Variants in AQP7 observed in about 807,000 individuals in gnomAD.
AQP7 encodes aquaporin 7.
A neutral mutation model predicts 26.1 loss-of-function variants in AQP7; 22 were observed. The observed-to-expected ratio is 0.84, with a 90% CI of 0.60 to 1.20. The LOEUF is 1.20. Among genes scored for constraint, AQP7 ranks in the 50% most tolerant of loss-of-function variants. The probability of loss-of-function intolerance (pLI) is 0.00; values close to 1 mark genes in which losing one functional copy is unlikely to be tolerated. For synonymous variants in AQP7, 167 were observed against 181.7 expected (o/e 0.92, Z 0.65); for missense variants, 412 against 457.5 (o/e 0.90, Z 0.91).
chr9:33,386,220 G>A (rs190955152), intron 5 of AQP7, 25 bp from the exon 6 acceptor site: 27 of 1,613,720 alleles, frequency 1.7e-5, no homozygotes, highest in East Asian at 4.5e-5. Context: ...ACTGTCATGC[G>A]AACCTGCTCC....
intron 7 of AQP7, 65 bp downstream of exon 7, chr9:33,385,584 C>T (rs779614450): frequency 2.5e-6 from 4 of 1,572,840 alleles, no homozygotes; most frequent in Non-Finnish European, 3.5e-6. Context: ...CATCACCCCC[C>T]ACCCCTCAAC....
intron 4 of AQP7, 43 bp downstream of exon 4, chr9:33,386,926 A>G (rs774836483): frequency 1.5e-5 from 24 of 1,608,398 alleles, no homozygotes; most frequent in Non-Finnish European, 1.9e-5. Context: ...CCTGTTGGGG[A>G]CACCTGGTCT....
chr9:33,385,356 G>T lies in AQP7; in HGVS notation c.744-66C>A, dbSNP rs1259193147. 5.2e-6 allele frequency: 8 copies of T among 1,534,178 alleles called. No homozygotes were observed. In the South Asian group the frequency reaches 1.0e-4, roughly 19 times the overall value. On this transcript the variant is annotated intron_variant, in intron 7 of 7. Coordinates refer to ENST00000297988, the MANE Select transcript of AQP7 (RefSeq NM_001170.3). ...CCAGGACAGCACCCTCATCCACCTC[G>T]GGCCAAGACAGGTTGAGCAGAGGAG... is the stretch of plus-strand genomic sequence containing the variant.
chr9:33,401,505 C>G (rs1826280232), intron 1 of AQP7: 1 of 563,886 alleles, frequency 1.8e-6, no homozygotes, highest in African/African-American at 1.9e-5. Flanking sequence ...GACCCCAGCC[C>G]CAGGCCAGAC....
In AQP7 at chr9:33,384,073, T is replaced by G. The variant is rs907725937; in HGVS notation, c.*932A>C. On this transcript the variant is annotated 3_prime_UTR_variant, in exon 8 of 8. Transcript: ENST00000297988. ...AATGCATGAGCAAGGACAGGAACCA[T>G]GGGTGATGCTGCCTTCTGAGCCCCA... 1 of 152,222 alleles carries G rather than the reference T, an allele frequency of 6.6e-6. No homozygotes were observed. Among genetic ancestry groups the G allele is most frequent in the African/African-American group, 2.4e-5 (1 of 41,432 alleles). The allele number at this position is 152,222 out of a possible 1,614,324, so 9.4% of individuals were successfully genotyped here. A position where few individuals can be genotyped will look rare whatever the true frequency, so the allele number is the denominator to read the frequency against.
In AQP7 at chr9:33,383,745, A is replaced by G. The variant is rs1354961131; in HGVS notation, c.*1260T>C. ...GAACGAAGCCCAGCCTCCTCTGCCCATCCCCTCAAACTGTAAAGTGCAGCT... is the reference window on the plus strand; with the variant it reads ...GAACGAAGCCCAGCCTCCTCTGCCCGTCCCCTCAAACTGTAAAGTGCAGCT... On this transcript the variant is annotated 3_prime_UTR_variant, in exon 8 of 8. Coordinates refer to ENST00000297988, the MANE Select transcript of AQP7 (RefSeq NM_001170.3). 6.6e-6 allele frequency: 1 copy of G among 151,556 alleles called. No individual in the cohort carries two copies. Among genetic ancestry groups the G allele is most frequent in the Admixed American group, 6.6e-5 (1 of 15,160 alleles). The allele number at this position is 151,556 out of a possible 1,614,324, so 9.4% of individuals were successfully genotyped here.
rs76908057 is a variant in AQP7 at position 33,385,788 on chromosome 9, C to G, written c.604G>C (p.Glu202Gln). ...QENNPALPGT[E>Q]ALVIGILVVI... ...ACGAGGATGCCTATCACCAGCGCCT[C>G]TGTTCCTGGCAGTGCTGGGTTGTTC... Residue 202 changes from glutamate to glutamine, a missense_variant, in exon 7 of 8, where the codon GAG (glutamate) becomes CAG (glutamine). Physicochemically the swap from Glu to Gln is conservative, Grantham distance 29. Coordinates refer to ENST00000297988, the MANE Select transcript of AQP7 (RefSeq NM_001170.3). 1.2e-6 allele frequency: 2 copies of G among 1,613,356 alleles called. No individual in the cohort carries two copies. Among genetic ancestry groups the G allele is most frequent in the African/African-American group, 1.3e-5 (1 of 75,040 alleles).
intron 5 of AQP7, 22 bp from the exon 6 acceptor site, chr9:33,386,217 T>A: frequency 1.2e-6 from 2 of 1,613,840 alleles, no homozygotes; most frequent in Non-Finnish European, 1.7e-6. Context: ...CAGACTGTCA[T>A]GCGAACCTGC....
chr9:33,386,206 A>T lies in AQP7; in HGVS notation c.407-11T>A. The T allele has an allele frequency of 3.1e-6, 5 of 1,613,970 alleles. No homozygotes were observed. Among genetic ancestry groups the T allele is most frequent in the Non-Finnish European group, 4.2e-6 (5 of 1,179,834 alleles). ...AGTGGAGAATGGCCGCTGCGGAGACACAGACTGTCATGCGAACCTGCTCCC... is the reference window on the plus strand; with the variant it reads ...AGTGGAGAATGGCCGCTGCGGAGACTCAGACTGTCATGCGAACCTGCTCCC... On this transcript the variant is annotated splice_polypyrimidine_tract_variant and intron_variant, in intron 5 of 7. Transcript: ENST00000297988.
In AQP7 at chr9:33,384,862, C is replaced by T. The variant is rs1824587435; in HGVS notation, c.*143G>A. ...GACTTGAGGTGCCTCACCTCTACAC[C>T]TTGGGCTAAGACATAGCCCTGGAGC... On this transcript the variant is annotated 3_prime_UTR_variant, in exon 8 of 8. Coordinates refer to ENST00000297988, the MANE Select transcript of AQP7 (RefSeq NM_001170.3). 9 of 1,014,370 alleles carry T rather than the reference C, an allele frequency of 8.9e-6. No individual in the cohort carries two copies. The highest frequency in any genetic ancestry group is 1.3e-5 in the Non-Finnish European group (9 of 687,844). The allele number at this position is 1,014,370 out of a possible 1,614,324, so 62.8% of individuals were successfully genotyped here.
chr9:33,384,878 G>A lies in AQP7; in HGVS notation c.*127C>T. The A allele has an allele frequency of 8.7e-7, 1 of 1,154,842 alleles. No individual in the cohort carries two copies. 71.5% of individuals were successfully genotyped at this position (1,154,842 alleles called of 1,614,324 possible). A position where few individuals can be genotyped will look rare whatever the true frequency, so the allele number is the denominator to read the frequency against. ...CCTCTACACCTTGGGCTAAGACATA[G>A]CCCTGGAGCTCCTGTAAGAACCCAG... On this transcript the variant is annotated 3_prime_UTR_variant, in exon 8 of 8. Transcript: ENST00000297988.
At chr9:33,386,927 C>T (rs898465957) in intron 4 of AQP7, 42 bp downstream of exon 4, 3 of 1,608,968 alleles carry the variant, frequency 1.9e-6, no homozygotes, top group East Asian at 2.2e-5. Context: ...CTGTTGGGGA[C>T]ACCTGGTCTT....
intron 3 of AQP7, among the ~76,000 whole-genome samples, chr9:33,390,027 C>CAAAAAA (rs778333672): frequency 6.4e-5 from 5 of 78,578 alleles, no homozygotes; most frequent in Admixed American, 1.4e-4. Context: ...GACTCCGTCT[C>CAAAAAA]AAAAAAAAAA....
intron 2 of AQP7, among the ~76,000 whole-genome samples, chr9:33,396,407 C>T (rs1038294935): frequency 7.3e-6 from 1 of 136,820 alleles, no homozygotes; most frequent in African/African-American, 2.7e-5. Context: ...CACTGCACTC[C>T]AGCCTGGGCA....
At chr9:33,387,882 A>C (rs1334045754) in intron 3 of AQP7, among the ~76,000 whole-genome samples, 2 of 151,882 alleles carry the variant, frequency 1.3e-5, no homozygotes, top group Admixed American at 6.6e-5. Flanking sequence ...ACCCCTGCCC[A>C]GCGTCCTTCT....
intron 7 of AQP7, 29 bp from the exon 8 acceptor site, chr9:33,385,319 G>A: frequency 1.3e-6 from 2 of 1,592,206 alleles, no homozygotes; most frequent in Non-Finnish European, 1.7e-6. Context: ...GGCCTGCTGA[G>A]GGGGCTGATG....
intron 4 of AQP7, 60 bp downstream of exon 4, chr9:33,386,909 G>A: frequency 6.2e-7 from 1 of 1,603,802 alleles, no homozygotes; most frequent in Non-Finnish European, 8.5e-7. Flanking sequence ...AGGCGGGCAG[G>A]AAAGAGCCTG....
intron 7 of AQP7, 121 bp downstream of exon 7, chr9:33,385,528 C>G (rs894462446): frequency 2.3e-6 from 3 of 1,287,056 alleles, no homozygotes; most frequent in Non-Finnish European, 2.2e-6. Flanking sequence ...CTCCTGCTCC[C>G]CAGGCTACCT....
chr9:33,385,706 C>T lies in AQP7; in HGVS notation c.686G>A (p.Arg229Gln), dbSNP rs373501318. The change falls in exon 7 of 8, where the codon CGG becomes CAG. Residue 229 changes from arginine to glutamine, a missense_variant. By Grantham distance (43) the Arg-to-Gln change is conservative (BLOSUM62 1). Transcript: ENST00000297988. ...MNTGYAINPS[R>Q]DLPPRIFTFI... is the part of the protein sequence containing the mutation. Reference sequence around the variant, plus strand: ...GGTGAAGATGCGGGGGGGCAGGTCCCGGGACGGGTTGATGGCATATCCTGT... The same window carrying T: ...GGTGAAGATGCGGGGGGGCAGGTCCTGGGACGGGTTGATGGCATATCCTGT... 27 of 1,613,834 alleles carry T rather than the reference C, an allele frequency of 1.7e-5. No homozygotes were observed. Among genetic ancestry groups the T allele is most frequent in the African/African-American group, 4.0e-5 (3 of 74,906 alleles).
Sources: allele counts gnomAD v4.1 joint callset (sites outside exome capture counted in the v4.1 genomes callset), GRCh38; gene constraint gnomAD v4.1.1; transcripts MANE v1.5; gene names NCBI Gene and HGNC (gene_info 2026-07-23, HGNC 2026-07-21).